The following ARHGAP15 variants were observed in gnomAD, a reference collection of about 807,000 sequenced individuals.
ARHGAP15 encodes rho GTPase-activating protein 15.
ARHGAP15 carries 51 observed loss-of-function variants against 63.7 expected under a neutral mutation model. That is an observed-to-expected ratio of 0.80 (90% CI 0.64 to 1.01). The LOEUF (loss-of-function observed/expected upper bound fraction) is 1.01, where lower values mean the gene tolerates loss of function less well. Ranked by LOEUF, ARHGAP15 falls within the 50% of genes least tolerant of loss-of-function variation. The pLI is 0.00. For missense variants in ARHGAP15, 560 were observed against 564.6 expected, an observed-to-expected ratio of 0.99 and a Z score of 0.08; for synonymous variants, 191 against 193.8, an observed-to-expected ratio of 0.99 and a Z score of 0.12.
intron 6 of ARHGAP15, among the ~76,000 whole-genome samples, chr2:143,254,984 A>G (rs926642793): frequency 6.6e-6 from 1 of 152,104 alleles, no homozygotes; most frequent in Non-Finnish European, 1.5e-5. Flanking sequence ...TTTTCATTAC[A>G]GGTTATAAGA....
At chr2:143,373,829 C>T (rs1031511456) in intron 6 of ARHGAP15, among the ~76,000 whole-genome samples, 1 of 151,958 alleles carries the variant, frequency 6.6e-6, no homozygotes, top group South Asian at 2.1e-4. Context: ...ATAAATATGA[C>T]TTAACATACT....
chr2:143,697,201 T>C (rs774008622), intron 12 of ARHGAP15, among the ~76,000 whole-genome samples: 3 of 152,208 alleles, frequency 2.0e-5, no homozygotes, highest in Non-Finnish European at 4.4e-5. Context: ...TACAACATAC[T>C]GTACCCTGTT....
rs1225970044 is a variant in ARHGAP15 at position 143,469,530 on chromosome 2, C to T, written c.704-17843C>T. Among the ~76,000 whole-genome samples the T allele has an allele frequency of 2.6e-5, 4 of 152,172 alleles. No individual in the cohort carries two copies. The East Asian group carries it at 5.8e-4, about 22-fold the overall frequency. ...AGTGGGCCAGTTCTTTGTATTGACA[C>T]ATACGCAAGTTCGGACATGACACCC... On this transcript the variant is annotated intron_variant, in intron 8 of 13. Coordinates refer to ENST00000295095, the MANE Select transcript of ARHGAP15 (RefSeq NM_018460.4).
chr2:143,666,263 C>T (rs1397833613), intron 12 of ARHGAP15, among the ~76,000 whole-genome samples: 5 of 145,588 alleles, frequency 3.4e-5, no homozygotes, highest in South Asian at 2.2e-4. Context: ...GAAATAATGC[C>T]GCATGTCTAC....
At chr2:143,362,960 A>G (rs1459524495) in intron 6 of ARHGAP15, among the ~76,000 whole-genome samples, 2 of 152,114 alleles carry the variant, frequency 1.3e-5, no homozygotes, top group African/African-American at 2.4e-5. Context: ...CTCCTATCCT[A>G]CCTTTTTCAA....
chr2:143,161,116 G>A (rs971090892), intron 2 of ARHGAP15, among the ~76,000 whole-genome samples: 3 of 151,960 alleles, frequency 2.0e-5, no homozygotes, highest in Non-Finnish European at 4.4e-5. Flanking sequence ...AACCTACAAA[G>A]TAATGAATAA....
chr2:143,154,740 A>G (rs1414464727), intron 1 of ARHGAP15, among the ~76,000 whole-genome samples: 1 of 151,868 alleles, frequency 6.6e-6, no homozygotes, highest in Non-Finnish European at 1.5e-5. Context: ...GCCACAGTTT[A>G]GTTCTCTTTG....
chr2:143,415,339 T>C (rs538586306), intron 6 of ARHGAP15, among the ~76,000 whole-genome samples: 5 of 151,860 alleles, frequency 3.3e-5, no homozygotes, highest in African/African-American at 1.2e-4. Flanking sequence ...AACCTCTTTG[T>C]GACTAAAGAT....
intron 8 of ARHGAP15, among the ~76,000 whole-genome samples, chr2:143,441,186 G>A (rs186936664): frequency 1.3e-5 from 2 of 152,082 alleles, no homozygotes; most frequent in Admixed American, 6.5e-5. Flanking sequence ...ACTGGAGCAG[G>A]GCATATAAGC....
At chr2:143,489,857 A>G (rs1692500809) in intron 9 of ARHGAP15, among the ~76,000 whole-genome samples, 1 of 152,188 alleles carries the variant, frequency 6.6e-6, no homozygotes, top group Admixed American at 6.5e-5. Flanking sequence ...TAAACTGTCT[A>G]ATCTTCCAGA....
chr2:143,407,255 CTCTT>C (rs1394966278), intron 6 of ARHGAP15, among the ~76,000 whole-genome samples: 3 of 151,822 alleles, frequency 2.0e-5, no homozygotes, highest in Non-Finnish European at 4.4e-5. Context: ...ATCTCTCTCT[CTCTT>C]AACTCAGCCT....
chr2:143,639,960 G>A (rs1680528510), intron 12 of ARHGAP15, among the ~76,000 whole-genome samples: 1 of 152,056 alleles, frequency 6.6e-6, no homozygotes. Context: ...TTTTAGTTGG[G>A]ACATTTTAAA....
At chr2:143,664,744 G>T (rs866506098) in intron 12 of ARHGAP15, among the ~76,000 whole-genome samples, 195 of 152,186 alleles carry the variant, frequency 1.3e-3, no homozygotes, top group Admixed American at 2.7e-3. Context: ...TATCACCACC[G>T]ATCCCACAGA....
intron 8 of ARHGAP15, among the ~76,000 whole-genome samples, chr2:143,464,118 T>C (rs939917356): frequency 4.6e-5 from 7 of 152,200 alleles, no homozygotes; most frequent in Non-Finnish European, 1.0e-4. Context: ...TGTCTATAAA[T>C]TTAATTATAT....
At chr2:143,339,290 T>C (rs1684947909) in intron 6 of ARHGAP15, among the ~76,000 whole-genome samples, 1 of 152,112 alleles carries the variant, frequency 6.6e-6, no homozygotes, top group African/African-American at 2.4e-5. Flanking sequence ...CAAGTCTCTT[T>C]TCTCTACTCC....
At chr2:143,755,563 C>T (rs971912899) in intron 13 of ARHGAP15, among the ~76,000 whole-genome samples, 2 of 152,004 alleles carry the variant, frequency 1.3e-5, no homozygotes, top group Admixed American at 6.6e-5. Context: ...ATATTCTTTC[C>T]CCCCTGCTAA....
At chr2:143,400,454 G>A (rs944923075) in intron 6 of ARHGAP15, among the ~76,000 whole-genome samples, 6 of 151,848 alleles carry the variant, frequency 4.0e-5, no homozygotes, top group African/African-American at 7.2e-5. Context: ...CCAGAGTTTT[G>A]AGGTAGTCTA....
chr2:143,493,954 T>C (rs926573374), intron 9 of ARHGAP15, among the ~76,000 whole-genome samples: 1 of 152,214 alleles, frequency 6.6e-6, no homozygotes, highest in Non-Finnish European at 1.5e-5. Context: ...CTTAAAATTG[T>C]TTTGCTTGTA....
intron 6 of ARHGAP15, among the ~76,000 whole-genome samples, chr2:143,283,715 G>T (rs1000424051): frequency 6.6e-6 from 1 of 151,988 alleles, no homozygotes; most frequent in African/African-American, 2.4e-5. Context: ...ATTAAAAAAC[G>T]TCAATAAGTG....
Sources: gnomAD v4.1 joint callset for allele counts (sites outside exome capture counted in the v4.1 genomes callset) on GRCh38, gnomAD v4.1.1 for gene constraint, MANE v1.5 for transcripts, NCBI Gene and HGNC (gene_info 2026-07-23, HGNC 2026-07-21) for gene names.